Variants in ZNF76 observed in about 807,000 individuals in gnomAD.
ZNF76 encodes zinc finger protein 523.
Under a neutral mutation model 66.9 loss-of-function variants are expected in ZNF76, and 66 were observed. That is an observed-to-expected ratio of 0.99 (90% CI 0.81 to 1.21). The LOEUF is 1.21. Ranked by LOEUF, ZNF76 falls within the 50% of genes most tolerant of loss-of-function variation. The probability of loss-of-function intolerance (pLI) is 0.00; values close to 1 mark genes in which losing one functional copy is unlikely to be tolerated. For missense variants in ZNF76, 729 were observed against 760.3 expected (o/e 0.96, Z 0.48); for synonymous variants, 275 against 296.1 (o/e 0.93, Z 0.73).
chr6:35,293,874 A>G lies in ZNF76; in HGVS notation c.1453A>G (p.Thr485Ala). The G allele has an allele frequency of 6.2e-7, 1 of 1,614,070 alleles. No individual in the cohort carries two copies. Among genetic ancestry groups the G allele is most frequent in the Non-Finnish European group, 8.5e-7 (1 of 1,180,004 alleles). ...CGACCTGGCCACATCTGGCACACAT[A>G]CAGTCACCATGGTCAGCGCCGATGG... ...DADLATSGTH[T>A]VTMVSADGTQ... The change falls in exon 12 of 14, where the codon ACA becomes GCA. Residue 485 changes from threonine to alanine, a missense_variant. Physicochemically the swap from Thr to Ala is moderately conservative, Grantham distance 58. Transcript: ENST00000373953.
chr6:35,291,743 C>T lies in ZNF76; in HGVS notation c.931+6C>T. 1 of 1,605,180 alleles carries T rather than the reference C, an allele frequency of 6.2e-7. No individual in the cohort carries two copies. Among genetic ancestry groups the T allele is most frequent in the Non-Finnish European group, 8.5e-7 (1 of 1,179,936 alleles). On this transcript the variant is annotated splice_donor_region_variant and intron_variant, in intron 9 of 13. Coordinates refer to ENST00000373953, the MANE Select transcript of ZNF76 (RefSeq NM_003427.5). ...TCACGTGCGCATCCACACAGGTGGG[C>T]TAGCTGGCATGCGAGGACTACCCTC...
chr6:35,291,717 A>G lies in ZNF76; in HGVS notation c.911A>G (p.Asn304Ser), dbSNP rs1345721720. The part of the protein sequence containing the change: ...RGFTSATNYK[N>S]HVRIHTGEKP... ...TTCACCAGCGCCACCAACTATAAGAATCACGTGCGCATCCACACAGGTGGG... is the reference window on the plus strand; with the variant it reads ...TTCACCAGCGCCACCAACTATAAGAGTCACGTGCGCATCCACACAGGTGGG... The change falls in exon 9 of 14, where the codon AAT (asparagine) becomes AGT (serine). Residue 304 changes from asparagine (N) to serine (S), a missense_variant. Transcript: ENST00000373953. 1 of 1,610,212 alleles carries G rather than the reference A, an allele frequency of 6.2e-7. No individual in the cohort carries two copies. Among genetic ancestry groups the G allele is most frequent in the Non-Finnish European group, 8.5e-7 (1 of 1,179,962 alleles).
At chr6:35,281,789 A>G (rs1415361052) in intron 2 of ZNF76, among the ~76,000 whole-genome samples, 1 of 151,824 alleles carries the variant, frequency 6.6e-6, no homozygotes, top group East Asian at 1.9e-4. Context: ...AAAAATAATA[A>G]TCTGGGTGCA....
At chr6:35,266,278 G>C (rs1786051838) in intron 1 of ZNF76, among the ~76,000 whole-genome samples, 1 of 151,818 alleles carries the variant, frequency 6.6e-6, no homozygotes, top group African/African-American at 2.4e-5. Flanking sequence ...TCAGCCTCCT[G>C]AGTAGCTGGG....
In ZNF76 at chr6:35,281,174, C is replaced by T. The variant is rs375995502; in HGVS notation, c.23C>T (p.Thr8Met). 1.3e-4 allele frequency: 204 copies of T among 1,613,842 alleles called. No homozygotes were observed. Among genetic ancestry groups the T allele is most frequent in the East Asian group, 9.6e-4 (43 of 44,894 alleles). MESLGLH[T>M]VTLSDGTTAY... ...GCCATGGAGAGCTTGGGGCTGCACA[C>T]GGTGACCCTTAGTGATGGGACAACA... Residue 8 changes from threonine to methionine, a missense_variant, in exon 2 of 14, where the codon ACG becomes ATG. Transcript: ENST00000373953.
chr6:35,266,055 G>A (rs1786004581), intron 1 of ZNF76, among the ~76,000 whole-genome samples: 2 of 152,194 alleles, frequency 1.3e-5, no homozygotes, highest in Admixed American at 1.3e-4. Context: ...CAATGGAAAG[G>A]TGAGAAGTGG....
chr6:35,288,347 G>T (rs904531637), intron 5 of ZNF76: 3 of 356,704 alleles, frequency 8.4e-6, no homozygotes, highest in African/African-American at 6.4e-5. Context: ...TGGGATTCCT[G>T]GATTATGAGG....
Position 35,287,779 on chromosome 6 carries a change from G to A in ZNF76, c.366G>A (p.Leu122=). 6.2e-7 allele frequency: 1 copy of A among 1,613,868 alleles called. No individual in the cohort carries two copies. The highest frequency in any genetic ancestry group is 8.5e-7 in the Non-Finnish European group (1 of 1,179,872). ...AVQTEVGLED[L]AAEDDEGFSA... ...AGACAGAGGTGGGCTTGGAGGACCT[G>A]GCAGCAGAGGATGATGAGGGCTTCA... Residue 122 remains leucine (L), a synonymous_variant, in exon 5 of 14, where the codon CTG becomes CTA. Transcript: ENST00000373953. This position sits in a 1 kb window ranked among gnomAD's most constrained non-coding sequence, Gnocchi z 4.0.
chr6:35,277,931 C>G (rs925172286), intron 1 of ZNF76, among the ~76,000 whole-genome samples: 1 of 152,128 alleles, frequency 6.6e-6, no homozygotes, highest in Admixed American at 6.5e-5. Context: ...GCAGTCTTGG[C>G]TCACTGCAAG....
chr6:35,267,366 G>A (rs921114201), intron 1 of ZNF76, among the ~76,000 whole-genome samples: 12 of 152,160 alleles, frequency 7.9e-5, no homozygotes, highest in Non-Finnish European at 1.6e-4. Context: ...CAAGGTGCTG[G>A]GATTACAGGC....
At chr6:35,282,079 A>ATACAATTCTATGTATCTTGTAGG (rs1788853673) in intron 2 of ZNF76, among the ~76,000 whole-genome samples, 1 of 152,188 alleles carries the variant, frequency 6.6e-6, no homozygotes, top group African/African-American at 2.4e-5. Context: ...CGTAACAATG[A>ATACAATTCTATGTATCTTGTAGG]ATACTCTTGT....
rs750819834 is a variant in ZNF76 at position 35,293,766 on chromosome 6, G to A, written c.1345G>A (p.Glu449Lys). Residue 449 changes from glutamate to lysine, a missense_variant, in exon 12 of 14, where the codon GAA becomes AAA. Glu to Lys is a moderately conservative substitution (Grantham distance 56, BLOSUM62 1). Coordinates refer to ENST00000373953, the MANE Select transcript of ZNF76 (RefSeq NM_003427.5). ...DGAQQVSLSP[E>K]DLQALGSAIS... ...CTGTTGGCAGGTCAGCCTGTCCCCG[G>A]AAGACCTGCAGGCCCTGGGGAGTGC... The A allele has an allele frequency of 5.0e-6, 8 of 1,613,828 alleles. No homozygotes were observed. The East Asian group carries it at 8.9e-5, about 18-fold the overall frequency.
chr6:35,290,237 A>G (rs2150373132), intron 5 of ZNF76, 29 bp from the exon 6 acceptor site: 2 of 1,613,574 alleles, frequency 1.2e-6, no homozygotes, highest in Non-Finnish European at 1.7e-6. Context: ...GGGAGAATAC[A>G]TATAGGGATC....
intron 1 of ZNF76, chr6:35,279,382 A>T (rs1788399130): frequency 2.9e-5 from 1 of 34,262 alleles, no homozygotes. Context: ...TCTTGCCTAA[A>T]TAGAATTAGT....
intron 1 of ZNF76, among the ~76,000 whole-genome samples, chr6:35,263,226 T>G (rs1427567411): frequency 2.0e-5 from 3 of 152,220 alleles, no homozygotes; most frequent in African/African-American, 7.2e-5. Context: ...TCTTGGTTTT[T>G]TAGAGGGCAG....
intron 7 of ZNF76, 156 bp from the exon 8 acceptor site, chr6:35,291,122 G>A: frequency 1.1e-6 from 1 of 921,460 alleles, no homozygotes; most frequent in Non-Finnish European, 1.6e-6. Flanking sequence ...AGGGCAGAGT[G>A]GGCTTTTCCA....
chr6:35,287,691 G>A lies in ZNF76; in HGVS notation c.278G>A (p.Gly93Asp), dbSNP rs1789768972. ...CTGGAAGCCGTCCAACTGGAAGATG[G>A]CTCCACTGCCTACATTCACCACCCT... ...STLEAVQLED[G>D]STAYIHHPVA... The change falls in exon 5 of 14, where the codon GGC (glycine) becomes GAC (aspartate). Residue 93 changes from glycine to aspartate, a missense_variant. Transcript: ENST00000373953. This position sits in a 1 kb window ranked among gnomAD's most constrained non-coding sequence, Gnocchi z 4.0. 1.9e-6 allele frequency: 3 copies of A among 1,614,178 alleles called. No homozygotes were observed. Among genetic ancestry groups the A allele is most frequent in the Non-Finnish European group, 2.5e-6 (3 of 1,179,992 alleles).
chr6:35,278,741 G>A (rs1280244535), intron 1 of ZNF76, among the ~76,000 whole-genome samples: 2 of 152,218 alleles, frequency 1.3e-5, no homozygotes, highest in Non-Finnish European at 2.9e-5. Flanking sequence ...CACAAGTGTT[G>A]GGGTCCACTG....
At position 35,293,771 on chromosome 6, in the gene ZNF76, C is replaced by T; in HGVS notation, c.1350C>T (p.Asp450=). The change falls in exon 12 of 14, where the codon GAC becomes GAT. Residue 450 remains aspartate (D), a synonymous_variant. Coordinates refer to ENST00000373953, the MANE Select transcript of ZNF76 (RefSeq NM_003427.5). ...GAQQVSLSPE[D]LQALGSAISM... is the part of the protein sequence containing the mutation. ...GGCAGGTCAGCCTGTCCCCGGAAGA[C>T]CTGCAGGCCCTGGGGAGTGCCATCA... The T allele has an allele frequency of 1.9e-6, 3 of 1,614,102 alleles. No homozygotes were observed. Among genetic ancestry groups the T allele is most frequent in the Non-Finnish European group, 2.5e-6 (3 of 1,180,014 alleles).
Sources: allele counts gnomAD v4.1 joint callset (sites outside exome capture counted in the v4.1 genomes callset), GRCh38; gene constraint gnomAD v4.1.1; non-coding constraint Gnocchi (gnomAD v3.1); transcripts MANE v1.5; gene names NCBI Gene and HGNC (gene_info 2026-07-23, HGNC 2026-07-21).